SLC2A10: variants seen among roughly 807,000 people sequenced by gnomAD.
SLC2A10 encodes solute carrier family 2 member 10.
Under a neutral mutation model 32.1 loss-of-function variants are expected in SLC2A10, and 25 were observed. That is an observed-to-expected ratio of 0.78 (90% CI 0.57 to 1.09). The LOEUF is 1.09. Among genes scored for constraint, SLC2A10 ranks in the 50% least tolerant of loss-of-function variants. The probability of loss-of-function intolerance (pLI) is 0.00; values close to 1 mark genes in which losing one functional copy is unlikely to be tolerated. For missense variants in SLC2A10, 673 were observed against 686.5 expected (o/e 0.98, Z 0.22); for synonymous variants, 332 against 309.6 (o/e 1.07, Z -0.76).
intron 4 of SLC2A10, 135 bp downstream of exon 4, chr20:46,729,623 GA>G (rs1980171157): frequency 4.6e-6 from 2 of 436,106 alleles, no homozygotes; most frequent in Non-Finnish European, 7.6e-6. Flanking sequence ...TGGGCACTAT[GA>G]GTTTTTTTTT....
chr20:46,710,018 T>G, intron 1 of SLC2A10: 1 of 525,082 alleles, frequency 1.9e-6, no homozygotes, highest in South Asian at 2.5e-5. Flanking sequence ...CCGGGCGCCC[T>G]GATCCGACAG....
In SLC2A10 at chr20:46,736,042, C is replaced by T. The variant is rs904130430; in HGVS notation, c.*2208C>T. On this transcript the variant is annotated 3_prime_UTR_variant, in exon 5 of 5. Coordinates refer to ENST00000359271, the MANE Select transcript of SLC2A10 (RefSeq NM_030777.4). ...TAATTTTGTCAAATCATGGCCAAAT[C>T]GCAGTGATAGTTGACTTTGGATACA... 1 of 151,422 alleles carries T rather than the reference C, an allele frequency of 6.6e-6. No homozygotes were observed. The highest frequency in any genetic ancestry group is 1.5e-5 in the Non-Finnish European group (1 of 67,952). 9.4% of individuals were successfully genotyped at this position (151,422 alleles called of 1,614,324 possible). A position where few individuals can be genotyped will look rare whatever the true frequency, so the allele number is the denominator to read the frequency against.
At chr20:46,724,915 A>C in intron 1 of SLC2A10, 126 bp from the exon 2 acceptor site, 1 of 1,115,198 alleles carries the variant, frequency 9.0e-7, no homozygotes, top group Non-Finnish European at 1.3e-6. Flanking sequence ...GTTTGAATGG[A>C]TGGTTGAATA....
chr20:46,733,393 A>G (rs924588466), intron 4 of SLC2A10, among the ~76,000 whole-genome samples: 2 of 152,196 alleles, frequency 1.3e-5, no homozygotes, highest in African/African-American at 4.8e-5. Flanking sequence ...CCATGATCCA[A>G]TCACCTCCCA....
chr20:46,733,977 G>A lies in SLC2A10; in HGVS notation c.*143G>A, dbSNP rs35691491. 6.6e-3 allele frequency: 5,048 copies of A among 767,072 alleles called. 105 individuals carry two copies. The highest frequency in any genetic ancestry group is 0.038 in the East Asian group (1,422 of 37,348). 47.5% of individuals were successfully genotyped at this position (767,072 alleles called of 1,614,324 possible). A position where few individuals can be genotyped will look rare whatever the true frequency, so the allele number is the denominator to read the frequency against. ...CCAAAGGTGGTCTGCTTTTGCTGGG[G>A]TAAAAAGGATGAAAGTCTGAGAATG... On this transcript the variant is annotated 3_prime_UTR_variant, in exon 5 of 5. Coordinates refer to ENST00000359271, the MANE Select transcript of SLC2A10 (RefSeq NM_030777.4).
chr20:46,710,131 C>A (rs993863097), intron 1 of SLC2A10: 32 of 440,920 alleles, frequency 7.3e-5, no homozygotes, highest in Admixed American at 3.9e-4. Context: ...GTGCCCCAGG[C>A]GCTGTTGTGG....
intron 1 of SLC2A10, among the ~76,000 whole-genome samples, chr20:46,712,028 G>A (rs572518623): frequency 1.3e-5 from 2 of 152,232 alleles, no homozygotes; most frequent in Non-Finnish European, 2.9e-5. Flanking sequence ...TGCCACCTTG[G>A]GGAAATGTCT....
chr20:46,727,311 C>A (rs554170858), intron 3 of SLC2A10, among the ~76,000 whole-genome samples: 4 of 152,050 alleles, frequency 2.6e-5, no homozygotes, highest in Non-Finnish European at 5.9e-5. Flanking sequence ...CTTGGCTTTT[C>A]TTTTCTTTTT....
intron 1 of SLC2A10, among the ~76,000 whole-genome samples, chr20:46,719,538 T>C (rs1213223213): frequency 1.3e-5 from 2 of 152,186 alleles, no homozygotes; most frequent in Non-Finnish European, 2.9e-5. Context: ...ATTCCCCTTA[T>C]AAAACCATCA....
intron 3 of SLC2A10, 54 bp downstream of exon 3, chr20:46,727,040 C>T: frequency 6.2e-7 from 1 of 1,612,984 alleles, no homozygotes; most frequent in Non-Finnish European, 8.5e-7. Context: ...GCTCCCTACT[C>T]TAAAGCAGAA....
intron 4 of SLC2A10, among the ~76,000 whole-genome samples, chr20:46,730,170 G>T (rs1000529404): frequency 6.6e-6 from 1 of 152,118 alleles, no homozygotes; most frequent in African/African-American, 2.4e-5. Flanking sequence ...CACGCAAAAC[G>T]CTTGTGGGCT....
intron 2 of SLC2A10, 141 bp downstream of exon 2, chr20:46,726,465 C>A: frequency 7.9e-7 from 1 of 1,269,676 alleles, no homozygotes; most frequent in Non-Finnish European, 1.1e-6. Context: ...CAGGGCCCCT[C>A]ACTTACCTGC....
intron 1 of SLC2A10, among the ~76,000 whole-genome samples, chr20:46,715,797 T>C (rs1600658379): frequency 6.6e-6 from 1 of 152,200 alleles, no homozygotes; most frequent in East Asian, 1.9e-4. Flanking sequence ...CCAGACAGCC[T>C]GGCTTTCATT....
chr20:46,710,187 A>T (rs1978827702), intron 1 of SLC2A10: 1 of 415,726 alleles, frequency 2.4e-6, no homozygotes, highest in Non-Finnish European at 4.2e-6. Flanking sequence ...AAACAGACGA[A>T]CCCCCTCCTC....
Position 46,733,755 on chromosome 20 carries a change from G to A in SLC2A10, c.1548-1G>A. 6.2e-7 allele frequency: 1 copy of A among 1,614,038 alleles called. No homozygotes were observed. The highest frequency in any genetic ancestry group is 8.5e-7 in the Non-Finnish European group (1 of 1,179,940). On this transcript the variant is annotated splice_acceptor_variant, in intron 4 of 4. Transcript: ENST00000359271. LOFTEE classifies it high-confidence loss of function. ...GATCCCACGCATTCTTTGTCTGACAGGTTCACCCTGAGCTTTGGCCACAGG... is the reference window on the plus strand; with the variant it reads ...GATCCCACGCATTCTTTGTCTGACAAGTTCACCCTGAGCTTTGGCCACAGG...
At position 46,709,659 on chromosome 20, in the gene SLC2A10, A is replaced by C; in HGVS notation, c.-78A>C. 6.6e-7 allele frequency: 1 copy of C among 1,508,042 alleles called. No homozygotes were observed. Among genetic ancestry groups the C allele is most frequent in the South Asian group, 1.2e-5 (1 of 81,012 alleles). The allele number at this position is 1,508,042 out of a possible 1,614,324, so 93.4% of individuals were successfully genotyped here. ...CGGGCCGGAAAGTTTGTCCGGCGGC[A>C]GCGGCGTTGGGGACTCCGGCGGGGG... On this transcript the variant is annotated 5_prime_UTR_variant, in exon 1 of 5. Coordinates refer to ENST00000359271, the MANE Select transcript of SLC2A10 (RefSeq NM_030777.4).
chr20:46,725,542 G>T lies in SLC2A10; in HGVS notation c.506G>T (p.Gly169Val). 3 of 1,614,142 alleles carry T rather than the reference G, an allele frequency of 1.9e-6. No homozygotes were observed. The highest frequency in any genetic ancestry group is 2.5e-6 in the Non-Finnish European group (3 of 1,180,008). Residue 169 changes from glycine (G) to valine (V), a missense_variant, in exon 2 of 5, where the codon GGC (glycine) becomes GTC (valine). Gly to Val is a moderately radical substitution (Grantham distance 109). Transcript: ENST00000359271. ...CCCTGGGGATGGAGGCACATGTTCG[G>T]CTGGGCCACTGCACCTGCTGTCCTG... ...GTPWGWRHMFGWATAPAVLQS... is the reference protein window; with the variant it reads ...GTPWGWRHMFVWATAPAVLQS...
intron 1 of SLC2A10, among the ~76,000 whole-genome samples, chr20:46,718,038 G>A (rs554520135): frequency 6.6e-6 from 1 of 152,160 alleles, no homozygotes; most frequent in East Asian, 1.9e-4. Context: ...CCTGGGCAAT[G>A]TAGTGAGACC....
At chr20:46,721,711 C>G (rs1979564802) in intron 1 of SLC2A10, among the ~76,000 whole-genome samples, 1 of 152,210 alleles carries the variant, frequency 6.6e-6, no homozygotes. Flanking sequence ...GTGTTGGTTT[C>G]ATTTTCATAA....
Sources: gnomAD v4.1 joint callset for allele counts (sites outside exome capture counted in the v4.1 genomes callset) on GRCh38, gnomAD v4.1.1 for gene constraint, MANE v1.5 for transcripts, NCBI Gene and HGNC (gene_info 2026-07-23, HGNC 2026-07-21) for gene names.